Variants in SNCAIP observed in about 807,000 individuals in gnomAD.
The protein encoded by SNCAIP is synphilin-1.
In SNCAIP, 43 loss-of-function variants were observed where a neutral mutation model predicts 86.7. That is an observed-to-expected ratio of 0.50 (90% CI 0.39 to 0.64). The LOEUF (loss-of-function observed/expected upper bound fraction) is 0.64, where lower values mean the gene tolerates loss of function less well. Among genes scored for constraint, SNCAIP ranks in the 30% least tolerant of loss-of-function variants. The pLI is 0.00. For missense variants in SNCAIP, 981 were observed against 1,103.1 expected (o/e 0.89, Z 1.57); for synonymous variants, 417 against 427.2 (o/e 0.98, Z 0.29).
chr5:122,433,328 A>C (rs1178317081), intron 6 of SNCAIP, among the ~76,000 whole-genome samples: 1 of 152,132 alleles, frequency 6.6e-6, no homozygotes, highest in Non-Finnish European at 1.5e-5. Context: ...AAGGAGACTG[A>C]AGAAAGAGAG....
At chr5:122,332,240 C>T (rs556975099) in intron 1 of SNCAIP, among the ~76,000 whole-genome samples, 3 of 152,248 alleles carry the variant, frequency 2.0e-5, no homozygotes, top group East Asian at 1.9e-4. Context: ...TTGTATCTTG[C>T]GTTTTCCCAC....
chr5:122,399,362 A>G (rs1249078532), intron 2 of SNCAIP, among the ~76,000 whole-genome samples: 1 of 152,172 alleles, frequency 6.6e-6, no homozygotes, highest in Non-Finnish European at 1.5e-5. Context: ...TTTGTCCAGA[A>G]CCACAGAGTT....
rs940546111 is a variant in SNCAIP, at chr5:122,379,020, G to A, written c.-46-12069G>A. 6.2e-5 allele frequency among the ~76,000 whole-genome samples: 7 copies of A among 113,636 alleles called. 1 individual carries two copies. The highest frequency in any genetic ancestry group is 2.6e-4 in the Admixed American group (3 of 11,658). The allele number at this position is 113,636 out of a possible 152,430, so 74.5% of individuals were successfully genotyped here. A position where few individuals can be genotyped will look rare whatever the true frequency, so the allele number is the denominator to read the frequency against. ...TGGCTTAGGATTGACTTGGCGATGC[G>A]GGCTCTTTTTTGGTTCCATATGAAC... On this transcript the variant is annotated intron_variant, in intron 1 of 10. Coordinates refer to ENST00000261368, the MANE Select transcript of SNCAIP (RefSeq NM_005460.4).
At chr5:122,364,767 A>G (rs555782713) in intron 1 of SNCAIP, among the ~76,000 whole-genome samples, 6 of 152,296 alleles carry the variant, frequency 3.9e-5, no homozygotes, top group Admixed American at 2.6e-4. Flanking sequence ...AATTTTAAAA[A>G]TGTAGACAGA....
intron 6 of SNCAIP, among the ~76,000 whole-genome samples, chr5:122,435,672 G>C (rs1204575158): frequency 6.6e-6 from 1 of 151,832 alleles, no homozygotes; most frequent in Non-Finnish European, 1.5e-5. Context: ...TTTTTTAAGG[G>C]CACTTTTTGA....
chr5:122,426,660 T>C (rs1233985934), intron 5 of SNCAIP, among the ~76,000 whole-genome samples: 1 of 152,172 alleles, frequency 6.6e-6, no homozygotes, highest in East Asian at 1.9e-4. Context: ...TATTTTGCTT[T>C]GGTTGTAAGT....
chr5:122,374,580 C>A (rs911368903), intron 1 of SNCAIP, among the ~76,000 whole-genome samples: 1 of 152,096 alleles, frequency 6.6e-6, no homozygotes, highest in East Asian at 1.9e-4. Flanking sequence ...CCAAAAGGGT[C>A]TCTAGAAAAC....
chr5:122,447,793 A>C (rs895777821), intron 8 of SNCAIP, among the ~76,000 whole-genome samples: 4 of 152,228 alleles, frequency 2.6e-5, no homozygotes, highest in African/African-American at 9.6e-5. Flanking sequence ...TCATTTGTCT[A>C]TTGTGTAGGA....
intron 10 of SNCAIP, among the ~76,000 whole-genome samples, chr5:122,456,239 C>T (rs1386915439): frequency 2.0e-5 from 3 of 152,214 alleles, no homozygotes; most frequent in Non-Finnish European, 2.9e-5. Context: ...GTGGGTTTTA[C>T]TGCCAAGGTA....
chr5:122,351,850 C>T (rs760711705), intron 1 of SNCAIP, among the ~76,000 whole-genome samples: 10 of 152,052 alleles, frequency 6.6e-5, no homozygotes, highest in Non-Finnish European at 1.5e-4. Context: ...TGTCAGGAGA[C>T]CAGATGATGG....
intron 1 of SNCAIP, among the ~76,000 whole-genome samples, chr5:122,345,341 T>C (rs1758386042): frequency 6.6e-6 from 1 of 152,196 alleles, no homozygotes; most frequent in Non-Finnish European, 1.5e-5. Context: ...GTAAAAATAA[T>C]GGATTTGTTT....
At chr5:122,451,631 T>C (rs1363020374) in intron 10 of SNCAIP, 30 bp downstream of exon 10, 2 of 1,449,184 alleles carry the variant, frequency 1.4e-6, no homozygotes, top group Non-Finnish European at 1.9e-6. Flanking sequence ...TATTCTTTTT[T>C]TTCCTTCAAA....
rs541191012 is a variant in SNCAIP at position 122,351,536 on chromosome 5, C to CAAAAAAAAAAAAAAAAAAAAAA, written c.-47+39261_-47+39282dup. On this transcript the variant is annotated intron_variant, in intron 1 of 10. Coordinates refer to ENST00000261368, the MANE Select transcript of SNCAIP (RefSeq NM_005460.4). ...TGGGCAACAGAGTGAGACTCTGTAT[C>CAAAAAAAAAAAAAAAAAAAAAA]AAAAAAAAAAAAAAAAAAAAAAAAA... Among the ~76,000 whole-genome samples the CAAAAAAAAAAAAAAAAAAAAAA allele has an allele frequency of 1.2e-3, 44 of 36,510 alleles. 6 individuals are homozygous for CAAAAAAAAAAAAAAAAAAAAAA. The highest frequency in any genetic ancestry group is 3.1e-3 in the East Asian group (3 of 982). 24.0% of individuals were successfully genotyped at this position (36,510 alleles called of 152,430 possible).
intron 7 of SNCAIP, 156 bp downstream of exon 7, chr5:122,440,910 T>C: frequency 1.4e-6 from 1 of 733,448 alleles, no homozygotes; most frequent in South Asian, 1.7e-5. Context: ...TTTCCAGAAA[T>C]CCACACAAAT....
chr5:122,412,569 A>G (rs1189289639), intron 3 of SNCAIP, among the ~76,000 whole-genome samples: 13 of 152,146 alleles, frequency 8.5e-5, no homozygotes, highest in Non-Finnish European at 1.8e-4. Context: ...TTGACCTTTC[A>G]ATAGTCAAAT....
At chr5:122,421,715 C>T (rs757241924) in intron 3 of SNCAIP, among the ~76,000 whole-genome samples, 3 of 152,134 alleles carry the variant, frequency 2.0e-5, no homozygotes, top group Non-Finnish European at 4.4e-5. Context: ...TGGCAGGGAA[C>T]TAGGAACCCA....
intron 5 of SNCAIP, among the ~76,000 whole-genome samples, chr5:122,429,009 A>C (rs1391905332): frequency 6.6e-6 from 1 of 152,204 alleles, no homozygotes; most frequent in East Asian, 1.9e-4. Flanking sequence ...GCAATTAGAA[A>C]TCAATAACAA....
At chr5:122,330,505 G>C (rs1010498820) in intron 1 of SNCAIP, among the ~76,000 whole-genome samples, 7 of 152,126 alleles carry the variant, frequency 4.6e-5, no homozygotes, top group Non-Finnish European at 8.8e-5. Context: ...ATATCTTGTA[G>C]ATGTGTTATA....
intron 1 of SNCAIP, among the ~76,000 whole-genome samples, chr5:122,345,245 C>T (rs193275612): frequency 3.5e-4 from 54 of 152,206 alleles, no homozygotes; most frequent in African/African-American, 1.2e-3. Flanking sequence ...TATTGGAATG[C>T]CCTCATGTGT....
Sources: allele counts gnomAD v4.1 joint callset (sites outside exome capture counted in the v4.1 genomes callset), GRCh38; gene constraint gnomAD v4.1.1; transcripts MANE v1.5; gene names NCBI Gene and HGNC (gene_info 2026-07-23, HGNC 2026-07-21).